GAS2L3: variants seen among roughly 807,000 people sequenced by gnomAD.
The protein encoded by GAS2L3 is GAS2-like protein 3.
Under a neutral mutation model 37.0 loss-of-function variants are expected in GAS2L3, and 28 were observed. The ratio of observed to expected loss-of-function variants is 0.76; its 90% CI spans 0.56 to 1.04. The LOEUF is 1.04. Among genes scored for constraint, GAS2L3 ranks in the 50% least tolerant of loss-of-function variants. The pLI is 0.00. For missense variants in GAS2L3, 793 were observed against 817.6 expected (o/e 0.97, Z 0.37); for synonymous variants, 290 against 296.6 (o/e 0.98, Z 0.23).
chr12:100,595,292 A>G (rs1354266160), intron 3 of GAS2L3, among the ~76,000 whole-genome samples: 1 of 151,968 alleles, frequency 6.6e-6, no homozygotes, highest in Non-Finnish European at 1.5e-5. Flanking sequence ...TTTACAGTTA[A>G]AAGAGCTTTC....
intron 6 of GAS2L3, 128 bp from the exon 7 acceptor site, chr12:100,617,616 C>T: frequency 1.6e-6 from 1 of 630,178 alleles, no homozygotes; most frequent in Non-Finnish European, 2.8e-6. Context: ...GTCTTTTCTT[C>T]ATTTTTTCTA....
chr12:100,578,757 G>A (rs1387650274), intron 1 of GAS2L3: 3 of 564,612 alleles, frequency 5.3e-6, no homozygotes, highest in Admixed American at 2.5e-5. Context: ...GCGTATAAAG[G>A]AGAAGGTGGG....
intron 8 of GAS2L3, among the ~76,000 whole-genome samples, chr12:100,621,779 A>G (rs1230269267): frequency 6.6e-6 from 1 of 151,294 alleles, no homozygotes; most frequent in East Asian, 1.9e-4. Context: ...TTCAAGCTTA[A>G]TAACGAACTC....
chr12:100,577,463 A>T (rs1020595575), intron 1 of GAS2L3, among the ~76,000 whole-genome samples: 9 of 152,218 alleles, frequency 5.9e-5, no homozygotes, highest in African/African-American at 2.2e-4. Flanking sequence ...GTCTCTGCCA[A>T]ACATTTCAAA....
intron 3 of GAS2L3, among the ~76,000 whole-genome samples, chr12:100,596,658 C>G (rs1404767464): frequency 6.6e-6 from 1 of 152,096 alleles, no homozygotes; most frequent in Non-Finnish European, 1.5e-5. Flanking sequence ...TGATGTCTTA[C>G]TAATTTAATA....
At chr12:100,582,482 T>A (rs35701) in intron 1 of GAS2L3, among the ~76,000 whole-genome samples, 40,979 of 152,150 alleles carry the variant, frequency 0.27, 5,874 homozygotes, top group African/African-American at 0.35. Flanking sequence ...TAATTGTAAC[T>A]GTCAGTGTTG....
Position 100,601,753 on chromosome 12 carries a change from G to T in GAS2L3, c.303G>T (p.Gly101=), listed in dbSNP as rs180785761. Residue 101 remains glycine, a splice_region_variant and synonymous_variant, in exon 5 of 10, where the codon GGG becomes GGT. Coordinates refer to ENST00000547754, the MANE Select transcript of GAS2L3 (RefSeq NM_174942.3). ...AAACATGCAACTCTGAAGAATCAGG[G>T]GTAAGTAAATGTTCGACAGTATTGA... is the stretch of plus-strand genomic sequence containing the variant. ...MVKTCNSEES[G]NFPMRKVPCK... 1 of 1,504,878 alleles carries T rather than the reference G, an allele frequency of 6.6e-7. No individual in the cohort carries two copies. Among genetic ancestry groups the T allele is most frequent in the African/African-American group, 1.4e-5 (1 of 72,384 alleles). 93.2% of individuals were successfully genotyped at this position (1,504,878 alleles called of 1,614,324 possible).
At chr12:100,590,708 C>T (rs573580064) in intron 1 of GAS2L3, among the ~76,000 whole-genome samples, 36 of 152,092 alleles carry the variant, frequency 2.4e-4, no homozygotes, top group African/African-American at 7.5e-4. Context: ...GTGTGCACTC[C>T]CCCCCACCAT....
chr12:100,614,920 A>T (rs762734382), intron 6 of GAS2L3, among the ~76,000 whole-genome samples: 5 of 152,220 alleles, frequency 3.3e-5, no homozygotes, highest in Non-Finnish European at 5.9e-5. Context: ...TTCATCAGCT[A>T]GTGGGCATTT....
chr12:100,579,798 A>C, intron 1 of GAS2L3: 1 of 718,826 alleles, frequency 1.4e-6, no homozygotes, highest in Admixed American at 2.1e-5. Context: ...AACTTCAGTA[A>C]AATCTTTGTG....
chr12:100,584,928 G>A (rs1385240270), intron 1 of GAS2L3, among the ~76,000 whole-genome samples: 8 of 106,368 alleles, frequency 7.5e-5, no homozygotes, highest in Non-Finnish European at 1.4e-4. Flanking sequence ...TTGCTCTGTT[G>A]CCTAGGCTGG....
At chr12:100,593,929 A>G (rs1234969338) in intron 2 of GAS2L3, 1 of 152,076 alleles carries the variant, frequency 6.6e-6, no homozygotes, top group Non-Finnish European at 1.5e-5. Flanking sequence ...GGTTTAGCTC[A>G]GGTTCAACTT....
intron 5 of GAS2L3, among the ~76,000 whole-genome samples, chr12:100,603,241 TA>T (rs1956014737): frequency 6.6e-6 from 1 of 152,320 alleles, no homozygotes; most frequent in Non-Finnish European, 1.5e-5. Context: ...GTGGCTGTAA[TA>T]ATTTATATTA....
Position 100,624,812 on chromosome 12 carries a change from T to G in GAS2L3, c.2007T>G (p.Asp669Glu), listed in dbSNP as rs1054531690. The G allele has an allele frequency of 2.5e-6, 4 of 1,613,320 alleles. No individual in the cohort carries two copies. The highest frequency in any genetic ancestry group is 3.4e-6 in the Non-Finnish European group (4 of 1,179,778). The change falls in exon 10 of 10, where the codon GAT (aspartate) becomes GAG (glutamate). Residue 669 changes from aspartate (D) to glutamate (E), a missense_variant. Physicochemically the swap from Asp to Glu is conservative, Grantham distance 45. Transcript: ENST00000547754. ...CTGTTAAGGATGCAGATAGTGGAGA[T>G]AAAAAACCTACTGCAAAGAAAAAGG... ...PSSVKDADSG[D>E]KKPTAKKKED...
chr12:100,603,811 G>A (rs1462570083), intron 5 of GAS2L3, among the ~76,000 whole-genome samples: 3 of 152,032 alleles, frequency 2.0e-5, no homozygotes, highest in African/African-American at 7.2e-5. Flanking sequence ...TTTATATATG[G>A]TGAGAGATAG....
Position 100,623,604 on chromosome 12 carries a change from T to C in GAS2L3, c.799T>C (p.Trp267Arg). ...TGTCATGGTTCGCGTTGGTGGAGGCTGGGATACTCTTCAAGGATTTTTGCT... is the reference window on the plus strand; with the variant it reads ...TGTCATGGTTCGCGTTGGTGGAGGCCGGGATACTCTTCAAGGATTTTTGCT... ...KHVMVRVGGG[W>R]DTLQGFLLKY... The change falls in exon 10 of 10, where the codon TGG (tryptophan) becomes CGG (arginine). Residue 267 changes from tryptophan (W) to arginine (R), a missense_variant. By Grantham distance (101) the Trp-to-Arg change is moderately radical. Transcript: ENST00000547754. 6.2e-7 allele frequency: 1 copy of C among 1,612,152 alleles called. No homozygotes were observed. The highest frequency in any genetic ancestry group is 8.5e-7 in the Non-Finnish European group (1 of 1,179,158).
At chr12:100,617,430 T>C (rs1287565284) in intron 6 of GAS2L3, among the ~76,000 whole-genome samples, 1 of 152,196 alleles carries the variant, frequency 6.6e-6, no homozygotes, top group African/African-American at 2.4e-5. Flanking sequence ...ACTATATATC[T>C]TTTAATGGTA....
chr12:100,601,168 C>T (rs564912837), intron 4 of GAS2L3, among the ~76,000 whole-genome samples: 6 of 151,892 alleles, frequency 4.0e-5, no homozygotes, highest in African/African-American at 1.4e-4. Context: ...AATTAAATAC[C>T]AAATACCCAC....
At chr12:100,576,106 A>C (rs927348165) in intron 1 of GAS2L3, among the ~76,000 whole-genome samples, 12 of 152,224 alleles carry the variant, frequency 7.9e-5, no homozygotes, top group African/African-American at 2.9e-4. Context: ...ATGTTTGGAG[A>C]ATGGCCACTT....
Sources: gnomAD v4.1 joint callset for allele counts (sites outside exome capture counted in the v4.1 genomes callset) on GRCh38, gnomAD v4.1.1 for gene constraint, MANE v1.5 for transcripts, NCBI Gene and HGNC (gene_info 2026-07-23, HGNC 2026-07-21) for gene names.